The following DAPK2 variants were observed in gnomAD, a reference collection of about 807,000 sequenced individuals.
The protein encoded by DAPK2 is death-associated protein kinase 2.
A neutral mutation model predicts 44.1 loss-of-function variants in DAPK2; 35 were observed. The observed-to-expected ratio is 0.79, with a 90% CI of 0.61 to 1.05. DAPK2 has a LOEUF of 1.05. Ranked by LOEUF, DAPK2 falls within the 50% of genes least tolerant of loss-of-function variation. The probability of loss-of-function intolerance (pLI) is 0.00; values close to 1 mark genes in which losing one functional copy is unlikely to be tolerated. For missense variants in DAPK2, 453 were observed against 483.2 expected, an observed-to-expected ratio of 0.94 and a Z score of 0.59; for synonymous variants, 174 against 182.6, an observed-to-expected ratio of 0.95 and a Z score of 0.38.
At chr15:63,926,703 A>G (rs986071497) in intron 6 of DAPK2, among the ~76,000 whole-genome samples, 1 of 152,190 alleles carries the variant, frequency 6.6e-6, no homozygotes, top group Non-Finnish European at 1.5e-5. Flanking sequence ...TCAGTTGTTC[A>G]TGGGATGCCT....
intron 1 of DAPK2, among the ~76,000 whole-genome samples, chr15:63,989,432 C>A (rs1211045827): frequency 6.6e-6 from 1 of 152,064 alleles, no homozygotes; most frequent in Non-Finnish European, 1.5e-5. Context: ...AAGTGACTGG[C>A]AATTGGGCCA....
chr15:63,951,207 G>A (rs2077576768), intron 3 of DAPK2, among the ~76,000 whole-genome samples: 1 of 152,148 alleles, frequency 6.6e-6, no homozygotes, highest in Admixed American at 6.5e-5. Context: ...CAGATTGGGG[G>A]TGGAGGAAGG....
rs781103079 is a variant in DAPK2, at chr15:64,013,404, C to A, written c.92+26766G>T. On this transcript the variant is annotated intron_variant, in intron 1 of 10. Coordinates refer to ENST00000261891, the Ensembl canonical transcript of DAPK2. This position sits in a 1 kb window ranked among gnomAD's most constrained non-coding sequence, Gnocchi z 4.7. ...GGAACTAACAGCTTAAACTACACTA[C>A]GTGCCTTTAAGACTTAGTAATTGGG... Among the ~76,000 whole-genome samples, 1 of 152,190 alleles carries A rather than the reference C, an allele frequency of 6.6e-6. No homozygotes were observed. Among genetic ancestry groups the A allele is most frequent in the African/African-American group, 2.4e-5 (1 of 41,436 alleles).
At chr15:63,995,329 T>C (rs1015771777) in intron 1 of DAPK2, among the ~76,000 whole-genome samples, 4 of 152,208 alleles carry the variant, frequency 2.6e-5, no homozygotes, top group African/African-American at 9.7e-5. Context: ...CTTTTTCTTA[T>C]TACTTGTAAA....
intron 1 of DAPK2, among the ~76,000 whole-genome samples, chr15:64,027,541 G>A (rs2079884114): frequency 6.6e-6 from 1 of 152,012 alleles, no homozygotes; most frequent in Admixed American, 6.6e-5. Flanking sequence ...CAGCCTGGGT[G>A]ACAGAGCAAG....
At chr15:64,033,284 AGGG>A (rs1243820895) in intron 1 of DAPK2, among the ~76,000 whole-genome samples, 683 of 35,712 alleles carry the variant, frequency 0.019, 54 homozygotes, top group African/African-American at 0.06. Context: ...GGAAGGGGGA[AGGG>A]GGAAGGAAGG....
rs996873797 is a variant in DAPK2, at chr15:63,990,199, G to A, written c.93-6445C>T. On this transcript the variant is annotated intron_variant, in intron 1 of 10. Transcript: ENST00000261891. This position sits in a 1 kb window ranked among gnomAD's most constrained non-coding sequence, Gnocchi z 4.3. ...TTGTAATCCCAGCACTCTGGGAGGCGGGAGGATCACCTGAGGTCAAGAGTT... is the reference window on the plus strand; with the variant it reads ...TTGTAATCCCAGCACTCTGGGAGGCAGGAGGATCACCTGAGGTCAAGAGTT... Among the ~76,000 whole-genome samples, 11 of 152,034 alleles carry A rather than the reference G, an allele frequency of 7.2e-5. No individual in the cohort carries two copies. The highest frequency in any genetic ancestry group is 6.6e-4 in the Admixed American group (10 of 15,264).
chr15:63,987,973 C>T (rs1365697372), intron 1 of DAPK2, among the ~76,000 whole-genome samples: 1 of 151,940 alleles, frequency 6.6e-6, no homozygotes, highest in East Asian at 1.9e-4. Context: ...TCCAGCCTTG[C>T]AGAAGAGCAT....
chr15:63,948,329 G>GTACAGGA (rs1190174550), intron 3 of DAPK2, among the ~76,000 whole-genome samples: 6 of 137,406 alleles, frequency 4.4e-5, no homozygotes, highest in Non-Finnish European at 7.7e-5. Context: ...TCCATAGGCT[G>GTACAGGA]TACAGGAAGC....
chr15:63,964,566 T>C (rs1073683), intron 3 of DAPK2, among the ~76,000 whole-genome samples: 55,119 of 151,926 alleles, frequency 0.36, 10,539 homozygotes, highest in Non-Finnish European at 0.41. Context: ...TACCTCCTCA[T>C]TGGGGCCAAT....
chr15:63,926,899 G>T (rs912937913), intron 6 of DAPK2, among the ~76,000 whole-genome samples: 2 of 152,162 alleles, frequency 1.3e-5, no homozygotes, highest in African/African-American at 2.4e-5. Flanking sequence ...CTGGCCAAAA[G>T]CTTCCTTGTT....
chr15:63,999,353 G>A (rs2079026741), intron 1 of DAPK2, among the ~76,000 whole-genome samples: 2 of 152,172 alleles, frequency 1.3e-5, no homozygotes, highest in South Asian at 4.1e-4. Context: ...CCCCACAGCT[G>A]CCAACAGCTG....
chr15:63,937,470 T>G (rs934840406), intron 4 of DAPK2, among the ~76,000 whole-genome samples: 1 of 152,204 alleles, frequency 6.6e-6, no homozygotes, highest in Non-Finnish European at 1.5e-5. Context: ...TGGGCTCCAT[T>G]TGGAGTGGAC....
Position 63,939,172 on chromosome 15 carries a change from C to A in DAPK2, c.583+60G>T. On this transcript the variant is annotated intron_variant, in intron 4 of 10. Coordinates refer to ENST00000261891, the Ensembl canonical transcript of DAPK2. This position sits in a 1 kb window ranked among gnomAD's most constrained non-coding sequence, Gnocchi z 4.3. ...ATAGCCCCAGACACAGGTTTCTTCC[C>A]AGGATCCCTACCTTTGATGCCAGAT... The A allele has an allele frequency of 6.2e-7, 1 of 1,601,756 alleles. No individual in the cohort carries two copies. The highest frequency in any genetic ancestry group is 1.1e-5 in the South Asian group (1 of 89,944).
At chr15:64,039,054 G>A (rs1192560492) in intron 1 of DAPK2, among the ~76,000 whole-genome samples, 1 of 152,190 alleles carries the variant, frequency 6.6e-6, no homozygotes, top group Non-Finnish European at 1.5e-5. Flanking sequence ...CGCCCTTCCA[G>A]ACCAAACCAA....
chr15:64,042,404 G>A (rs1373817415), upstream of DAPK2, among the ~76,000 whole-genome samples: 4 of 152,170 alleles, frequency 2.6e-5, no homozygotes, highest in African/African-American at 9.7e-5. The surrounding 1 kb of genome is among the most constrained non-coding windows in gnomAD (Gnocchi z 4.7). Flanking sequence ...CCTGCAGGGT[G>A]GGGTTACCAA....
chr15:63,941,226 C>T (rs1424411972), intron 3 of DAPK2, among the ~76,000 whole-genome samples: 1 of 152,226 alleles, frequency 6.6e-6, no homozygotes, highest in African/African-American at 2.4e-5. Flanking sequence ...ACTCAACCCA[C>T]TGTGTTCTTG....
At chr15:63,953,997 A>C (rs978310182) in intron 3 of DAPK2, among the ~76,000 whole-genome samples, 1 of 152,108 alleles carries the variant, frequency 6.6e-6, no homozygotes, top group Non-Finnish European at 1.5e-5. Flanking sequence ...TTTTTAAATC[A>C]GATTATTAGA....
At chr15:63,971,658 C>A (rs894108167) in intron 2 of DAPK2, 97 bp from the exon 4 acceptor site, 5 of 1,322,590 alleles carry the variant, frequency 3.8e-6, no homozygotes, top group Non-Finnish European at 5.2e-6. Context: ...TCCTGACCCC[C>A]CAGGGACCTT....
Sources: gnomAD v4.1 joint callset for allele counts (sites outside exome capture counted in the v4.1 genomes callset) on GRCh38, gnomAD v4.1.1 for gene constraint, Gnocchi (gnomAD v3.1) non-coding constraint, MANE v1.5 for transcripts, NCBI Gene and HGNC (gene_info 2026-07-23, HGNC 2026-07-21) for gene names.